The following PATJ variants were observed in gnomAD, a reference collection of about 807,000 sequenced individuals.
PATJ encodes PATJ crumbs cell polarity complex component, also known as inaD-like protein.
In PATJ, 190 loss-of-function variants were observed where a neutral mutation model predicts 224.9. The ratio of observed to expected loss-of-function variants is 0.84; its 90% CI spans 0.75 to 0.95. The LOEUF is 0.95. Among genes scored for constraint, PATJ ranks in the 40% least tolerant of loss-of-function variants. The pLI is 0.00. For missense variants in PATJ, 2,121 were observed against 2,270.3 expected (o/e 0.93, Z 1.34); for synonymous variants, 769 against 820.3 (o/e 0.94, Z 1.07).
intron 6 of PATJ, among the ~76,000 whole-genome samples, chr1:61,774,949 C>T (rs768207228): frequency 6.6e-6 from 1 of 152,148 alleles, no homozygotes; most frequent in African/African-American, 2.4e-5. Context: ...AGGGCTAGTG[C>T]CTTATGATCC....
intron 17 of PATJ, among the ~76,000 whole-genome samples, chr1:61,850,939 T>C (rs1316863593): frequency 6.6e-6 from 1 of 152,196 alleles, no homozygotes; most frequent in African/African-American, 2.4e-5. Flanking sequence ...GATGTGGCTT[T>C]TGCTTTTGGT....
intron 7 of PATJ, among the ~76,000 whole-genome samples, chr1:61,777,168 T>G (rs1173680526): frequency 6.6e-6 from 1 of 152,248 alleles, no homozygotes; most frequent in Admixed American, 6.5e-5. Context: ...GGAAAACAAC[T>G]GACACTGTTT....
chr1:62,117,019 G>C (rs1664513097), intron 36 of PATJ, 113 bp from the exon 37 acceptor site: 1 of 856,484 alleles, frequency 1.2e-6, no homozygotes, highest in African/African-American at 1.7e-5. Context: ...GGCTATGCCT[G>C]TTGCTTTCAT....
intron 18 of PATJ, among the ~76,000 whole-genome samples, chr1:61,861,272 TTTTC>T (rs1316179214): frequency 2.9e-5 from 4 of 137,920 alleles, no homozygotes; most frequent in African/African-American, 8.1e-5. Context: ...AACCAGGATA[TTTTC>T]TTTCTTTCTT....
At chr1:61,819,093 C>A (rs1479008606) in intron 14 of PATJ, among the ~76,000 whole-genome samples, 1 of 152,172 alleles carries the variant, frequency 6.6e-6, no homozygotes, top group Non-Finnish European at 1.5e-5. Flanking sequence ...CCACAGCCAT[C>A]CCCCAGTAGG....
rs1027831219 is a variant in PATJ, at chr1:61,815,052, T to G, written c.1683+6522T>G. 2.0e-5 allele frequency among the ~76,000 whole-genome samples: 3 copies of G among 152,290 alleles called. No homozygotes were observed. In the East Asian group the frequency reaches 5.8e-4, roughly 29 times the overall value. On this transcript the variant is annotated intron_variant, in intron 14 of 43. Transcript: ENST00000642238. ...AATAGACAAGTAAAAAATAACTTGA[T>G]AAGATAGTTGTAGATTGTAAGAAGT...
chr1:61,863,970 G>A (rs1052240112), intron 19 of PATJ, among the ~76,000 whole-genome samples: 7 of 152,228 alleles, frequency 4.6e-5, no homozygotes, highest in African/African-American at 1.7e-4. Context: ...TTGTCAGGTG[G>A]TTAATGTATA....
chr1:61,810,571 C>T (rs1454709270), intron 14 of PATJ, among the ~76,000 whole-genome samples: 1 of 151,924 alleles, frequency 6.6e-6, no homozygotes, highest in Non-Finnish European at 1.5e-5. Context: ...GTGGCATGCA[C>T]CTGTAGCCCC....
At position 61,856,256 on chromosome 1, in the gene PATJ, G is replaced by A. The variant is rs1288950447; in HGVS notation, c.2322+17G>A. 1 of 1,590,818 alleles carries A rather than the reference G, an allele frequency of 6.3e-7. No individual in the cohort carries two copies. The highest frequency in any genetic ancestry group is 8.6e-7 in the Non-Finnish European group (1 of 1,158,902). On this transcript the variant is annotated intron_variant, in intron 18 of 43. Coordinates refer to ENST00000642238, the MANE Select transcript of PATJ (RefSeq NM_001350145.3). ...CCTTTGGTGGTAAGTGTTGTATTTT[G>A]TTAATATAGGAAGTGATAATAGTGC... is the stretch of plus-strand genomic sequence containing the variant.
intron 30 of PATJ, chr1:62,039,170 T>G: frequency 1.8e-6 from 1 of 549,686 alleles, no homozygotes; most frequent in Non-Finnish European, 3.5e-6. Context: ...CTTTGTTAAT[T>G]GTCTTGTAGA....
intron 28 of PATJ, among the ~76,000 whole-genome samples, chr1:62,000,205 T>C (rs1175192489): frequency 6.6e-6 from 1 of 151,022 alleles, no homozygotes; most frequent in African/African-American, 2.4e-5. Flanking sequence ...TTTTTGTTTT[T>C]TTTTTTTTAT....
chr1:61,771,456 C>A lies in PATJ; in HGVS notation c.550C>A (p.Gln184Lys), dbSNP rs1460961918. 6 of 1,593,716 alleles carry A rather than the reference C, an allele frequency of 3.8e-6. No individual in the cohort carries two copies. The African/African-American group carries it at 8.1e-5, about 22-fold the overall frequency. The change falls in exon 6 of 44, where the codon CAA (glutamine) becomes AAA (lysine). Residue 184 changes from glutamine to lysine, a missense_variant. By Grantham distance (53) the Gln-to-Lys change is moderately conservative. Coordinates refer to ENST00000642238, the MANE Select transcript of PATJ (RefSeq NM_001350145.3). ...GGATCAAAGATTAAAGGAAAATGATCAAATATTGGCCATTAATCACACGCC... is the reference window on the plus strand; with the variant it reads ...GGATCAAAGATTAAAGGAAAATGATAAAATATTGGCCATTAATCACACGCC... The part of the protein sequence containing the change: ...DRDQRLKEND[Q>K]ILAINHTPLD...
intron 27 of PATJ, among the ~76,000 whole-genome samples, chr1:61,972,392 A>G (rs1683105826): frequency 6.6e-6 from 1 of 151,988 alleles, no homozygotes; most frequent in African/African-American, 2.4e-5. Flanking sequence ...ACAATTTATA[A>G]TATTGCTGAT....
At chr1:62,098,821 T>C (rs1387993261) in intron 33 of PATJ, among the ~76,000 whole-genome samples, 1 of 152,176 alleles carries the variant, frequency 6.6e-6, no homozygotes, top group Non-Finnish European at 1.5e-5. Flanking sequence ...AAGCATTTGG[T>C]CACAAAGGCT....
At chr1:62,144,986 T>C (rs2149014437) in intron 41 of PATJ, among the ~76,000 whole-genome samples, 1 of 152,144 alleles carries the variant, frequency 6.6e-6, no homozygotes, top group East Asian at 1.9e-4. Flanking sequence ...TAATTTCTTT[T>C]GTACTTTTAG....
At chr1:61,755,905 G>A (rs902274476) in intron 1 of PATJ, among the ~76,000 whole-genome samples, 4 of 152,002 alleles carry the variant, frequency 2.6e-5, no homozygotes, top group African/African-American at 7.3e-5. Context: ...GGGTTCAAGC[G>A]ATTCTCCTGC....
chr1:61,928,478 A>G (rs942651050), intron 27 of PATJ, among the ~76,000 whole-genome samples: 1 of 152,178 alleles, frequency 6.6e-6, no homozygotes, highest in African/African-American at 2.4e-5. Context: ...TATACATTGT[A>G]AACTGGTGAA....
Position 61,756,252 on chromosome 1 carries a change from C to G in PATJ, c.-35-6606C>G, listed in dbSNP as rs140534743. 1.2e-4 allele frequency among the ~76,000 whole-genome samples: 19 copies of G among 152,270 alleles called. No homozygotes were observed. The East Asian group carries it at 3.7e-3, about 29-fold the overall frequency. On this transcript the variant is annotated intron_variant, in intron 1 of 43. Transcript: ENST00000642238. ...ACTGTGGTCTTTTTTCCCCTTTCTGCTACTTCTGGAGATCTTATATTAGGT... is the reference window on the plus strand; with the variant it reads ...ACTGTGGTCTTTTTTCCCCTTTCTGGTACTTCTGGAGATCTTATATTAGGT...
chr1:61,846,924 G>A (rs1294931584), intron 17 of PATJ, among the ~76,000 whole-genome samples: 1 of 152,166 alleles, frequency 6.6e-6, no homozygotes, highest in African/African-American at 2.4e-5. Flanking sequence ...TTAGTGCTTG[G>A]GTACTACTGT....
Sources: gnomAD v4.1 joint callset for allele counts (sites outside exome capture counted in the v4.1 genomes callset) on GRCh38, gnomAD v4.1.1 for gene constraint, MANE v1.5 for transcripts, NCBI Gene and HGNC (gene_info 2026-07-23, HGNC 2026-07-21) for gene names.